Variants in CSMD1 observed in about 807,000 individuals in gnomAD.
CSMD1 encodes CUB and sushi domain-containing protein 1.
Under a neutral mutation model 417.5 loss-of-function variants are expected in CSMD1, and 213 were observed. That is an observed-to-expected ratio of 0.51 (90% CI 0.46 to 0.57). The LOEUF is 0.57. Among genes scored for constraint, CSMD1 ranks in the 20% least tolerant of loss-of-function variants. The pLI is 0.00. For missense variants in CSMD1, 6,923 were observed against 4,529.7 expected, an observed-to-expected ratio of 1.53 and a Z score of -15.17; for synonymous variants, 2,862 against 1,736.8, an observed-to-expected ratio of 1.65 and a Z score of -16.11.
chr8:4,058,008 G>A (rs1207139746), intron 3 of CSMD1, among the ~76,000 whole-genome samples: 2 of 151,476 alleles, frequency 1.3e-5, no homozygotes, highest in African/African-American at 2.4e-5. Flanking sequence ...GATTGACTTG[G>A]CAATGTGGGC....
intron 3 of CSMD1, among the ~76,000 whole-genome samples, chr8:4,117,201 G>C (rs186439079): frequency 6.6e-6 from 1 of 150,940 alleles, no homozygotes; most frequent in African/African-American, 2.4e-5. Context: ...TGCTGGAATG[G>C]CTTCCAAGGA....
At chr8:3,899,373 G>C (rs1229638283) in intron 5 of CSMD1, among the ~76,000 whole-genome samples, 2 of 152,158 alleles carry the variant, frequency 1.3e-5, no homozygotes, top group Admixed American at 6.5e-5. Flanking sequence ...CTGGCACAAA[G>C]AGTGACTGAA....
intron 3 of CSMD1, among the ~76,000 whole-genome samples, chr8:4,166,987 G>T (rs1343396768): frequency 6.6e-6 from 1 of 152,214 alleles, no homozygotes; most frequent in Non-Finnish European, 1.5e-5. Flanking sequence ...CTTTCTGCCT[G>T]CCCCTGTGCT....
chr8:4,155,320 T>C (rs767318075), intron 3 of CSMD1, among the ~76,000 whole-genome samples: 1 of 152,164 alleles, frequency 6.6e-6, no homozygotes, highest in Non-Finnish European at 1.5e-5. Context: ...GGTCTCGCAT[T>C]AGAGTCTCAC....
intron 10 of CSMD1, among the ~76,000 whole-genome samples, chr8:3,534,356 C>G (rs147285607): frequency 3.8e-4 from 58 of 152,170 alleles, no homozygotes; most frequent in African/African-American, 8.7e-4. Context: ...TCTCAGTTCT[C>G]TTTAAATGCC....
intron 21 of CSMD1, among the ~76,000 whole-genome samples, chr8:3,354,037 C>A (rs148495559): frequency 6.6e-6 from 1 of 152,048 alleles, no homozygotes; most frequent in Non-Finnish European, 1.5e-5. Flanking sequence ...CTAGGAAGCC[C>A]CAAATCCATA....
At chr8:3,761,271 AACAC>A (rs980904549) in intron 5 of CSMD1, among the ~76,000 whole-genome samples, 5 of 152,138 alleles carry the variant, frequency 3.3e-5, no homozygotes, top group Admixed American at 6.5e-5. Flanking sequence ...ACATAAAATA[AACAC>A]AATAATACCC....
chr8:3,659,176 C>T (rs190520816), intron 7 of CSMD1, among the ~76,000 whole-genome samples: 30 of 152,208 alleles, frequency 2.0e-4, no homozygotes, highest in Admixed American at 8.5e-4. Flanking sequence ...ATCATTTCTA[C>T]GAAGCAAAAT....
In CSMD1 at chr8:3,562,553, C is replaced by A. The variant is rs145016487; in HGVS notation, c.1344+12392G>T. Among the ~76,000 whole-genome samples the A allele has an allele frequency of 9.3e-3, 1,418 of 152,066 alleles. 8 individuals are homozygous for A. Among genetic ancestry groups the A allele is most frequent in the Non-Finnish European group, 0.014 (986 of 68,004 alleles). On this transcript the variant is annotated intron_variant, in intron 10 of 69. Transcript: ENST00000635120. ...GCCTGCTTGGCAAAATCAAAAGTTC[C>A]CCACTTAAAACTCTCCCTTAATATG...
At chr8:3,814,808 A>C (rs539598807) in intron 5 of CSMD1, among the ~76,000 whole-genome samples, 226 of 152,278 alleles carry the variant, frequency 1.5e-3, no homozygotes, top group Non-Finnish European at 2.5e-3. Flanking sequence ...CGGTGTGATT[A>C]TTTCAAGCCA....
intron 1 of CSMD1, among the ~76,000 whole-genome samples, chr8:4,726,951 T>TA (rs909478380): frequency 1.8e-4 from 27 of 152,078 alleles, no homozygotes; most frequent in Admixed American, 7.2e-4. Context: ...CATATGTACT[T>TA]AAAAAAAATA....
In CSMD1 at chr8:3,300,958, CAAAAAA is replaced by C. The variant is rs374180480; in HGVS notation, c.3950+6731_3950+6736del. Among the ~76,000 whole-genome samples, 28 of 50,604 alleles carry C rather than the reference CAAAAAA, an allele frequency of 5.5e-4. 1 individual carries two copies. Among genetic ancestry groups the C allele is most frequent in the Admixed American group, 1.4e-3 (4 of 2,804 alleles). The allele number at this position is 50,604 out of a possible 152,430, so 33.2% of individuals were successfully genotyped here. On this transcript the variant is annotated intron_variant, in intron 25 of 69. Transcript: ENST00000635120. ...TGGACAACAGAGTGAGACTCTGTCT[CAAAAAA>C]AAAAAAAAAAAAAAAAAGAGAAAGA...
Position 4,035,484 on chromosome 8 carries a change from A to C in CSMD1, c.416-3385T>G, listed in dbSNP as rs191112355. Among the ~76,000 whole-genome samples, 681 of 152,320 alleles carry C rather than the reference A, an allele frequency of 4.5e-3. 5 individuals carry two copies. The highest frequency in any genetic ancestry group is 6.1e-3 in the Non-Finnish European group (418 of 68,036). On this transcript the variant is annotated intron_variant, in intron 3 of 69. Transcript: ENST00000635120. ...AGGCATTATTATCCTAGGAGATGAA[A>C]GCTCCATACCTGTCCTTGCCCCGAA...
At chr8:3,954,470 G>A (rs1242086198) in intron 5 of CSMD1, among the ~76,000 whole-genome samples, 2 of 152,102 alleles carry the variant, frequency 1.3e-5, no homozygotes, top group South Asian at 2.1e-4. Context: ...GGGTTCAGGC[G>A]ATTCTGCTGC....
At chr8:4,692,689 C>A (rs770103712) in intron 1 of CSMD1, among the ~76,000 whole-genome samples, 1 of 152,192 alleles carries the variant, frequency 6.6e-6, no homozygotes, top group Admixed American at 6.5e-5. Context: ...CATTTTATAA[C>A]TGAAAAGTCC....
At chr8:3,211,889 G>A (rs1415655286) in intron 30 of CSMD1, among the ~76,000 whole-genome samples, 1 of 152,210 alleles carries the variant, frequency 6.6e-6, no homozygotes, top group African/African-American at 2.4e-5. Context: ...CTCAGGATAT[G>A]AGGGGCACCC....
chr8:4,143,907 G>C (rs1335362292), intron 3 of CSMD1, among the ~76,000 whole-genome samples: 6 of 151,158 alleles, frequency 4.0e-5, no homozygotes, highest in East Asian at 1.9e-4. Flanking sequence ...GCTAATTAAA[G>C]GCTGGGGTGA....
At chr8:3,342,481 TTTAA>T (rs1585026794) in intron 23 of CSMD1, among the ~76,000 whole-genome samples, 1 of 152,214 alleles carries the variant, frequency 6.6e-6, no homozygotes, top group Non-Finnish European at 1.5e-5. Flanking sequence ...CTTTAAACAT[TTTAA>T]TTAATTAGTT....
chr8:3,408,312 G>A, intron 13 of CSMD1, 87 bp from the exon 14 acceptor site: 2 of 968,308 alleles, frequency 2.1e-6, no homozygotes, highest in Admixed American at 2.6e-5. Flanking sequence ...ACCTGGAAAG[G>A]CAATTCATGC....
Sources: gnomAD v4.1 joint callset for allele counts (sites outside exome capture counted in the v4.1 genomes callset) on GRCh38, gnomAD v4.1.1 for gene constraint, MANE v1.5 for transcripts, NCBI Gene and HGNC (gene_info 2026-07-23, HGNC 2026-07-21) for gene names.